GRIK1: variants seen among roughly 807,000 people sequenced by gnomAD.
The protein encoded by GRIK1 is glutamate receptor ionotropic, kainate 1.
In GRIK1, 69 loss-of-function variants were observed where a neutral mutation model predicts 105.7. That is an observed-to-expected ratio of 0.65 (90% CI 0.54 to 0.80). The LOEUF is 0.80. Ranked by LOEUF, GRIK1 falls within the 30% of genes least tolerant of loss-of-function variation. The pLI is 0.00. For missense variants in GRIK1, 1,109 were observed against 1,167.3 expected (o/e 0.95, Z 0.73); for synonymous variants, 438 against 431.3 (o/e 1.02, Z -0.19).
chr21:29,935,746 G>A (rs2071726224), intron 1 of GRIK1, among the ~76,000 whole-genome samples: 1 of 151,840 alleles, frequency 6.6e-6, no homozygotes, highest in African/African-American at 2.4e-5. Flanking sequence ...TATTTATTTG[G>A]TGGTTTTTTG....
chr21:29,707,446 C>CCCTCCCTTCCTTCCTTCCTT (rs1555875907), intron 1 of GRIK1, among the ~76,000 whole-genome samples: 1 of 18,654 alleles, frequency 5.4e-5, no homozygotes, highest in Non-Finnish European at 9.7e-5. Context: ...CTCCCTCCCT[C>CCCTCCCTTCCTTCCTTCCTT]CCTCCCTCCC....
In GRIK1 at chr21:29,873,346, G is replaced by T. The variant is rs2069084179; in HGVS notation, c.118+66037C>A. On this transcript the variant is annotated intron_variant, in intron 1 of 17. Transcript: ENST00000327783. ...TGGAACCCCACATAAAAGTAATTGG[G>T]CATTTCTGTGTTTAAGAGTTCAGAG... Among the ~76,000 whole-genome samples the T allele has an allele frequency of 2.6e-5, 4 of 152,242 alleles. No homozygotes were observed. The South Asian group carries it at 8.3e-4, about 32-fold the overall frequency.
chr21:29,556,106 C>T (rs1353931467), intron 15 of GRIK1, among the ~76,000 whole-genome samples: 1 of 152,158 alleles, frequency 6.6e-6, no homozygotes, highest in Non-Finnish European at 1.5e-5. Flanking sequence ...CCATTGTGTC[C>T]TGCAAGACAT....
At chr21:29,639,841 G>T (rs2062473736) in intron 7 of GRIK1, among the ~76,000 whole-genome samples, 1 of 152,144 alleles carries the variant, frequency 6.6e-6, no homozygotes, top group Non-Finnish European at 1.5e-5. Flanking sequence ...GCATGCATTT[G>T]TTTAGCAAAT....
chr21:29,778,239 A>G (rs750265018), intron 1 of GRIK1, among the ~76,000 whole-genome samples: 12 of 152,150 alleles, frequency 7.9e-5, no homozygotes, highest in Non-Finnish European at 1.2e-4. Context: ...TATGCTCTTA[A>G]TGTCTGTAAG....
intron 16 of GRIK1, 110 bp downstream of exon 16, chr21:29,554,942 G>GAAAAA: frequency 1.1e-6 from 1 of 883,790 alleles, no homozygotes; most frequent in Non-Finnish European, 1.7e-6. Flanking sequence ...TGGCTCTTCT[G>GAAAAA]GGCATCTAAT....
Position 29,642,946 on chromosome 21 carries a change from A to T in GRIK1, c.978T>A (p.Asp326Glu). The T allele has an allele frequency of 6.2e-7, 1 of 1,613,892 alleles. No homozygotes were observed. The highest frequency in any genetic ancestry group is 8.5e-7 in the Non-Finnish European group (1 of 1,179,748). ...MMTTEAALMY[D>E]AVYMVAIASH... ...AGGCAATGGCCACCATGTACACAGC[A>T]TCGTACATCAGAGCCGCTTCAGTCT... The change falls in exon 7 of 18, where the codon GAT becomes GAA. Residue 326 changes from aspartate to glutamate, a missense_variant. By Grantham distance (45) the Asp-to-Glu change is conservative. Transcript: ENST00000327783.
At chr21:29,907,170 G>GAA (rs75176827) in intron 1 of GRIK1, among the ~76,000 whole-genome samples, 2 of 143,820 alleles carry the variant, frequency 1.4e-5, no homozygotes, top group Non-Finnish European at 3.1e-5. Context: ...TACTCTTACA[G>GAA]AAAAAAAAAA....
At chr21:29,584,254 A>G (rs1029332825) in intron 12 of GRIK1, among the ~76,000 whole-genome samples, 2 of 152,184 alleles carry the variant, frequency 1.3e-5, no homozygotes, top group Admixed American at 6.5e-5. Flanking sequence ...AACTTGTAAT[A>G]TAATGGTGGG....
intron 1 of GRIK1, among the ~76,000 whole-genome samples, chr21:29,927,590 G>GGGTATATTTTATATATTT (rs2071419330): frequency 4.7e-5 from 7 of 150,520 alleles, no homozygotes; most frequent in Admixed American, 4.0e-4. Context: ...TATAAAATAT[G>GGGTATATTTTATATATTT]GGTTGGGCAT....
intron 1 of GRIK1, among the ~76,000 whole-genome samples, chr21:29,856,081 A>G (rs1215735223): frequency 2.0e-5 from 3 of 152,186 alleles, no homozygotes; most frequent in Non-Finnish European, 4.4e-5. Context: ...ATATATGTCT[A>G]GATTTCTGGG....
chr21:29,688,556 A>G (rs910512764), intron 3 of GRIK1, among the ~76,000 whole-genome samples: 2 of 152,240 alleles, frequency 1.3e-5, no homozygotes, highest in African/African-American at 4.8e-5. Context: ...GTATTATTCT[A>G]TCCATGTGGA....
chr21:29,769,585 C>G (rs148878119), intron 1 of GRIK1, among the ~76,000 whole-genome samples: 1,759 of 152,188 alleles, frequency 0.012, 21 homozygotes, highest in South Asian at 0.023. Context: ...CTAATGTCCC[C>G]GCTGATCTGA....
intron 1 of GRIK1, among the ~76,000 whole-genome samples, chr21:29,756,315 A>G (rs1030310980): frequency 6.6e-6 from 1 of 152,160 alleles, no homozygotes; most frequent in African/African-American, 2.4e-5. Flanking sequence ...GGGGAGGCAG[A>G]GCTTGCAGTG....
At chr21:29,837,117 C>A (rs139460076) in intron 1 of GRIK1, among the ~76,000 whole-genome samples, 12 of 152,274 alleles carry the variant, frequency 7.9e-5, no homozygotes, top group African/African-American at 2.9e-4. Flanking sequence ...GGGATGTAAT[C>A]GTTTTTTGGA....
intron 3 of GRIK1, among the ~76,000 whole-genome samples, chr21:29,677,190 A>T (rs1466161126): frequency 6.6e-6 from 1 of 152,234 alleles, no homozygotes; most frequent in Non-Finnish European, 1.5e-5. Context: ...GCCAAATGAT[A>T]ATAAATGATG....
At chr21:29,903,036 AT>A (rs144881323) in intron 1 of GRIK1, among the ~76,000 whole-genome samples, 33,581 of 152,084 alleles carry the variant, frequency 0.22, 4,224 homozygotes, top group African/African-American at 0.34. Flanking sequence ...TGGGGAAAAG[AT>A]TTCCTATTTA....
At chr21:29,831,533 C>T (rs970538374) in intron 1 of GRIK1, among the ~76,000 whole-genome samples, 13 of 151,970 alleles carry the variant, frequency 8.6e-5, no homozygotes, top group African/African-American at 2.2e-4. Context: ...TCAATCATGG[C>T]GGAAGGCAAA....
chr21:29,846,469 G>GAA (rs1157264316), intron 1 of GRIK1, among the ~76,000 whole-genome samples: 1 of 48,322 alleles, frequency 2.1e-5, no homozygotes. Context: ...GAGAGAGAAA[G>GAA]AAAGAAAGAA....
Sources: gnomAD v4.1 joint callset for allele counts (sites outside exome capture counted in the v4.1 genomes callset) on GRCh38, gnomAD v4.1.1 for gene constraint, MANE v1.5 for transcripts, NCBI Gene and HGNC (gene_info 2026-07-23, HGNC 2026-07-21) for gene names.